WDR49: variants seen among roughly 807,000 people sequenced by gnomAD.
WDR49 encodes the protein WD repeat domain 49.
A neutral mutation model predicts 119.5 loss-of-function variants in WDR49; 107 were observed. That is an observed-to-expected ratio of 0.90 (90% CI 0.77 to 1.05). WDR49 has a LOEUF of 1.05. Among genes scored for constraint, WDR49 ranks in the 50% least tolerant of loss-of-function variants. The pLI is 0.00. For synonymous variants in WDR49, 425 were observed against 418.8 expected (o/e 1.01, Z -0.18); for missense variants, 1,240 against 1,220.5 (o/e 1.02, Z -0.24).
chr3:167,645,968 C>T (rs1457273036), intron 2 of WDR49, among the ~76,000 whole-genome samples: 3 of 152,154 alleles, frequency 2.0e-5, no homozygotes, highest in Non-Finnish European at 4.4e-5. Context: ...AAAAGGCTTT[C>T]CTAAGGCAGT....
intron 8 of WDR49, chr3:167,566,955 G>A (rs978382690): frequency 2.0e-5 from 12 of 609,200 alleles, no homozygotes; most frequent in Non-Finnish European, 2.9e-5. Flanking sequence ...GACCAAAGAG[G>A]TGGAGGAGGT....
chr3:167,546,731 T>C (rs1259257142), intron 10 of WDR49, among the ~76,000 whole-genome samples: 3 of 151,788 alleles, frequency 2.0e-5, no homozygotes, highest in African/African-American at 4.8e-5. Context: ...ACCACCTTTT[T>C]TCTAGGATGA....
chr3:167,657,552 C>A (rs1448307175), upstream of WDR49, among the ~76,000 whole-genome samples: 1 of 145,444 alleles, frequency 6.9e-6, no homozygotes, highest in African/African-American at 2.6e-5. Flanking sequence ...CACAATTTAT[C>A]CCCACCAACA....
upstream of WDR49, among the ~76,000 whole-genome samples, chr3:167,656,505 T>C (rs1718608567): frequency 6.6e-6 from 1 of 152,108 alleles, no homozygotes; most frequent in Non-Finnish European, 1.5e-5. Flanking sequence ...AATGCAAAAT[T>C]CTCTAATTAT....
At chr3:167,495,811 A>G (rs1000686276) in intron 18 of WDR49, among the ~76,000 whole-genome samples, 5 of 151,306 alleles carry the variant, frequency 3.3e-5, no homozygotes, top group Non-Finnish European at 1.5e-5. Flanking sequence ...AATAAGATGC[A>G]TCAATAACAT....
At chr3:167,521,241 G>C (rs547597038) in intron 16 of WDR49, among the ~76,000 whole-genome samples, 1 of 152,280 alleles carries the variant, frequency 6.6e-6, no homozygotes, top group South Asian at 2.1e-4. Flanking sequence ...CAAGGGGCAT[G>C]AGCTGGAGGA....
intron 10 of WDR49, among the ~76,000 whole-genome samples, chr3:167,538,717 C>T (rs1258016961): frequency 6.6e-6 from 1 of 152,064 alleles, no homozygotes; most frequent in Non-Finnish European, 1.5e-5. Flanking sequence ...GTGGTAAGTG[C>T]TAAGGCATTA....
At chr3:167,487,493 C>G (rs1003824751) in intron 18 of WDR49, among the ~76,000 whole-genome samples, 5 of 151,948 alleles carry the variant, frequency 3.3e-5, no homozygotes, top group African/African-American at 1.2e-4. Context: ...GCTAAGCCCC[C>G]AAAAGCAACG....
At chr3:167,558,654 T>C (rs1327816744) in intron 9 of WDR49, among the ~76,000 whole-genome samples, 1 of 152,230 alleles carries the variant, frequency 6.6e-6, no homozygotes, top group African/African-American at 2.4e-5. Context: ...TCTTACCAAG[T>C]CCACCTTAAA....
Position 167,621,476 on chromosome 3 carries a change from T to C in WDR49, c.774A>G (p.Ile258Met), listed in dbSNP as rs1716865512. 1 of 1,531,834 alleles carries C rather than the reference T, an allele frequency of 6.5e-7. No homozygotes were observed. Among genetic ancestry groups the C allele is most frequent in the Non-Finnish European group, 8.7e-7 (1 of 1,144,670 alleles). The allele number at this position is 1,531,834 out of a possible 1,614,324, so 94.9% of individuals were successfully genotyped here. The change falls in exon 4 of 19, where the codon ATA (isoleucine) becomes ATG (methionine). Residue 258 changes from isoleucine (I) to methionine (M), a missense_variant. Ile to Met is a conservative substitution (Grantham distance 10, BLOSUM62 1). Coordinates refer to ENST00000682715, the MANE Select transcript of WDR49 (RefSeq NM_001366157.1). ...ANESILSFGD[I>M]TGKVQAIAFT... Reference sequence around the variant, plus strand: ...ATCTACCCTCACTTACCTTTCCAGTTATATCCCCAAAAGAAAGAATTGATT... The same window carrying C: ...ATCTACCCTCACTTACCTTTCCAGTCATATCCCCAAAAGAAAGAATTGATT...
rs1256345443 is a variant in WDR49 at position 167,529,246 on chromosome 3, T to C, written c.2219-7A>G. 7.0e-6 allele frequency: 11 copies of C among 1,561,154 alleles called. No individual in the cohort carries two copies. Among genetic ancestry groups the C allele is most frequent in the Admixed American group, 2.1e-5 (1 of 47,264 alleles). On this transcript the variant is annotated splice_region_variant and splice_polypyrimidine_tract_variant and intron_variant, in intron 13 of 18. Transcript: ENST00000682715. ...GATACCAGGTTAGCTCCTCCTAACA[T>C]GTAAGGGAAAAATCTAACTAGAAAA...
At chr3:167,486,863 A>G (rs1750940938) in intron 18 of WDR49, among the ~76,000 whole-genome samples, 1 of 152,104 alleles carries the variant, frequency 6.6e-6, no homozygotes, top group African/African-American at 2.4e-5. Context: ...CTTAAACTCT[A>G]CACTTGATCA....
At position 167,575,961 on chromosome 3, in the gene WDR49, T is replaced by G. The variant is rs753824037; in HGVS notation, c.1466A>C (p.Glu489Ala). The G allele has an allele frequency of 6.2e-6, 10 of 1,614,072 alleles. No homozygotes were observed. In the Admixed American group the frequency reaches 1.3e-4, roughly 22 times the overall value. ...SEASKRVKSHEKAVTCVLYNS... is the reference protein window; with the variant it reads ...SEASKRVKSHAKAVTCVLYNS... Reference sequence around the variant, plus strand: ...GTAAAGAACACAAGTGACTGCTTTCTCATGGCTTTTCACCCTCTTGCTGGC... The same window carrying G: ...GTAAAGAACACAAGTGACTGCTTTCGCATGGCTTTTCACCCTCTTGCTGGC... The change falls in exon 8 of 19, where the codon GAG becomes GCG. Residue 489 changes from glutamate (E) to alanine (A), a missense_variant. By Grantham distance (107) the Glu-to-Ala change is moderately radical. Coordinates refer to ENST00000682715, the MANE Select transcript of WDR49 (RefSeq NM_001366157.1).
At chr3:167,509,318 A>G (rs575330287) in intron 16 of WDR49, among the ~76,000 whole-genome samples, 39 of 152,256 alleles carry the variant, frequency 2.6e-4, no homozygotes, top group Non-Finnish European at 4.9e-4. Flanking sequence ...AATAATAGAG[A>G]AGGGTATCTG....
chr3:167,511,633 C>A (rs1751976076), intron 16 of WDR49, among the ~76,000 whole-genome samples: 1 of 152,198 alleles, frequency 6.6e-6, no homozygotes, highest in African/African-American at 2.4e-5. Context: ...GGGTTCCAAG[C>A]ACAGAACTGT....
chr3:167,635,427 G>A (rs1717567501), intron 2 of WDR49, among the ~76,000 whole-genome samples: 2 of 151,550 alleles, frequency 1.3e-5, no homozygotes, highest in Non-Finnish European at 3.0e-5. Flanking sequence ...ACTTTCAGGA[G>A]GAAAAATATA....
At chr3:167,500,333 A>G (rs1330240905) in intron 17 of WDR49, 34 bp from the exon 18 acceptor site, 2 of 1,601,430 alleles carry the variant, frequency 1.2e-6, no homozygotes, top group East Asian at 4.5e-5. Flanking sequence ...GAAGACAGGG[A>G]GAAAAAGGGT....
chr3:167,646,607 T>G (rs1264247034), intron 2 of WDR49, among the ~76,000 whole-genome samples: 1 of 152,180 alleles, frequency 6.6e-6, no homozygotes, highest in East Asian at 1.9e-4. Flanking sequence ...CTGGTGCTTG[T>G]GAGGAACTGA....
chr3:167,626,910 G>T lies in WDR49; in HGVS notation c.548C>A (p.Ala183Asp). The change falls in exon 3 of 19, where the codon GCC becomes GAC. Residue 183 changes from alanine (A) to aspartate (D), a missense_variant. Transcript: ENST00000682715. ...LQETFPITSD[A>D]TKLKHLWVTS... Reference sequence around the variant, plus strand: ...CACCCACAGGTGTTTGAGCTTGGTGGCATCTGAAGTGATGGGGAATGTTTC... The same window carrying T: ...CACCCACAGGTGTTTGAGCTTGGTGTCATCTGAAGTGATGGGGAATGTTTC... 1.6e-6 allele frequency: 2 copies of T among 1,268,196 alleles called. No individual in the cohort carries two copies. The highest frequency in any genetic ancestry group is 2.0e-6 in the Non-Finnish European group (2 of 1,007,232). 78.6% of individuals were successfully genotyped at this position (1,268,196 alleles called of 1,614,324 possible). A position where few individuals can be genotyped will look rare whatever the true frequency, so the allele number is the denominator to read the frequency against.
Sources: allele counts gnomAD v4.1 joint callset (sites outside exome capture counted in the v4.1 genomes callset), GRCh38; gene constraint gnomAD v4.1.1; transcripts MANE v1.5; gene names NCBI Gene and HGNC (gene_info 2026-07-23, HGNC 2026-07-21).